SLC37A3: variants seen among roughly 807,000 people sequenced by gnomAD.
SLC37A3 encodes solute carrier family 37 member 3, also known as sugar phosphate exchanger 3.
A neutral mutation model predicts 67.1 loss-of-function variants in SLC37A3; 51 were observed. That is an observed-to-expected ratio of 0.76 (90% CI 0.61 to 0.96). SLC37A3 has a LOEUF of 0.96. SLC37A3 is among the 40% of genes least tolerant of loss of function. The probability of loss-of-function intolerance (pLI) is 0.00; values close to 1 mark genes in which losing one functional copy is unlikely to be tolerated. For synonymous variants in SLC37A3, 214 were observed against 231.4 expected, an observed-to-expected ratio of 0.92 and a Z score of 0.68; for missense variants, 508 against 603.0, an observed-to-expected ratio of 0.84 and a Z score of 1.65.
chr7:140,373,776 G>A (rs183538912), intron 3 of SLC37A3, among the ~76,000 whole-genome samples: 5 of 150,994 alleles, frequency 3.3e-5, no homozygotes, highest in African/African-American at 9.7e-5. Flanking sequence ...GAGTATTTGG[G>A]ACTACAGACA....
At position 140,384,220 on chromosome 7, in the gene SLC37A3, A is replaced by C. The variant is rs117384415; in HGVS notation, c.-70-1624T>G. ...TGACATGAGAAAATGTCAAGTGAAA[A>C]AAAGTGGGAGCCGGTTATAAATCTA... On this transcript the variant is annotated intron_variant, in intron 1 of 14. Coordinates refer to ENST00000326232, the MANE Select transcript of SLC37A3 (RefSeq NM_207113.3). 1.4e-4 allele frequency among the ~76,000 whole-genome samples: 21 copies of C among 152,328 alleles called. 1 individual carries two copies. The East Asian group carries it at 4.0e-3, about 29-fold the overall frequency.
At chr7:140,374,819 C>A (rs1797960792) in intron 3 of SLC37A3, among the ~76,000 whole-genome samples, 1 of 152,118 alleles carries the variant, frequency 6.6e-6, no homozygotes, top group Non-Finnish European at 1.5e-5. Flanking sequence ...GATCATGCCA[C>A]TGTACTCCAG....
In SLC37A3 at chr7:140,387,977, G is replaced by A. The variant is rs191702177; in HGVS notation, c.-70-5381C>T. 1.5e-3 allele frequency among the ~76,000 whole-genome samples: 211 copies of A among 141,596 alleles called. 6 individuals are homozygous for A. In the South Asian group the frequency reaches 0.02, roughly 14 times the overall value. The allele number at this position is 141,596 out of a possible 152,430, so 92.9% of individuals were successfully genotyped here. On this transcript the variant is annotated intron_variant, in intron 1 of 14. Transcript: ENST00000326232. ...CCACTGCACTCCAGCCTGGGTGACA[G>A]AGTGAGGGCCTGTCTCAAAAAAGCA...
chr7:140,366,884 C>T (rs2117186850), intron 4 of SLC37A3, among the ~76,000 whole-genome samples: 1 of 152,280 alleles, frequency 6.6e-6, no homozygotes, highest in Non-Finnish European at 1.5e-5. Context: ...CCTGTAATCC[C>T]AGCACTTTGG....
At chr7:140,370,149 GTT>G (rs34474661) in intron 3 of SLC37A3, among the ~76,000 whole-genome samples, 22,769 of 149,172 alleles carry the variant, frequency 0.15, 2,222 homozygotes, top group African/African-American at 0.27. Context: ...GAAATAACTA[GTT>G]TTTTTTTTTG....
At position 140,345,794 on chromosome 7, in the gene SLC37A3, CT is replaced by C. The variant is rs538293096; in HGVS notation, c.1126+74del. On this transcript the variant is annotated intron_variant, in intron 11 of 14. Transcript: ENST00000326232. Reference sequence around the variant, plus strand: ...TCCAGGCTCTCCCCAGCACTGGTCACTGACTCCAAACAAATGCCTTATTCCA... The same window carrying C: ...TCCAGGCTCTCCCCAGCACTGGTCACGACTCCAAACAAATGCCTTATTCCA... The C allele has an allele frequency of 3.7e-4, 446 of 1,196,832 alleles. 1 individual carries two copies. The highest frequency in any genetic ancestry group is 1.1e-3 in the Middle Eastern group (6 of 5,282). The allele number at this position is 1,196,832 out of a possible 1,614,324, so 74.1% of individuals were successfully genotyped here. A position where few individuals can be genotyped will look rare whatever the true frequency, so the allele number is the denominator to read the frequency against.
In SLC37A3 at chr7:140,378,524, T is replaced by C. The variant is rs150915495; in HGVS notation, c.198+1758A>G. ...AAGCCGAGGCAGGAGGATCACGAGG[T>C]CAAGAGATCAAGACCATCCTGGCCA... On this transcript the variant is annotated intron_variant, in intron 3 of 14. Transcript: ENST00000326232. Among the ~76,000 whole-genome samples the C allele has an allele frequency of 5.0e-4, 76 of 151,486 alleles. 1 individual carries two copies. In the East Asian group the frequency reaches 0.013, roughly 26 times the overall value.
intron 6 of SLC37A3, among the ~76,000 whole-genome samples, chr7:140,356,012 T>C (rs1016177086): frequency 2.0e-5 from 3 of 151,510 alleles, no homozygotes; most frequent in Admixed American, 1.3e-4. Flanking sequence ...CTGACCAACA[T>C]GGAGAAACCC....
intron 13 of SLC37A3, among the ~76,000 whole-genome samples, chr7:140,338,553 CCT>C (rs908051856): frequency 8.5e-5 from 13 of 152,100 alleles, no homozygotes; most frequent in African/African-American, 3.1e-4. Flanking sequence ...CTTACTGCAA[CCT>C]CTGTCTCCCA....
chr7:140,341,380 C>T (rs1055259185), intron 13 of SLC37A3, among the ~76,000 whole-genome samples: 3 of 152,128 alleles, frequency 2.0e-5, no homozygotes, highest in South Asian at 2.1e-4. Flanking sequence ...GCACCTGTCA[C>T]GGTGCATCAC....
intron 1 of SLC37A3, among the ~76,000 whole-genome samples, chr7:140,384,792 A>G (rs1400181727): frequency 6.6e-6 from 1 of 152,214 alleles, no homozygotes; most frequent in African/African-American, 2.4e-5. Context: ...AATGGCTTGT[A>G]TGATAAATCT....
chr7:140,343,506 C>T lies in SLC37A3; in HGVS notation c.1232G>A (p.Gly411Asp). 6.2e-7 allele frequency: 1 copy of T among 1,614,126 alleles called. No homozygotes were observed. Among genetic ancestry groups the T allele is most frequent in the South Asian group, 1.1e-5 (1 of 91,050 alleles). The change falls in exon 13 of 15, where the codon GGT becomes GAT. Residue 411 changes from glycine (G) to aspartate (D), a missense_variant. Gly to Asp is a moderately conservative substitution (Grantham distance 94, BLOSUM62 -1). Coordinates refer to ENST00000326232, the MANE Select transcript of SLC37A3 (RefSeq NM_207113.3). Reference protein sequence around the residue: ...MISSAISADLGRQELIQRSSE... With the variant: ...MISSAISADLDRQELIQRSSE... ...GCTCCTTTGGATGAGCTCCTGGCGA[C>T]CCAAGTCCGCAGAAATAGCAGAACT...
chr7:140,387,749 A>AAATATAAATATACTATATATATTATATAT (rs1563053300), intron 1 of SLC37A3, among the ~76,000 whole-genome samples: 1 of 17,004 alleles, frequency 5.9e-5, no homozygotes, highest in Admixed American at 1.1e-3. Context: ...TATATTATAT[A>AAATATAAATATACTATATATATTATATAT]AATATAAATA....
At chr7:140,343,292 C>G in intron 13 of SLC37A3, 120 bp downstream of exon 13, 1 of 1,404,436 alleles carries the variant, frequency 7.1e-7, no homozygotes, top group South Asian at 1.2e-5. Flanking sequence ...AGTCCTTGGG[C>G]TCTGGGAACA....
rs766773891 is a variant in SLC37A3 at position 140,343,394 on chromosome 7, C to T, written c.1326+18G>A. ...GAGGGAAGACACTAGAATCCCAGCC[C>T]CTCTCCTGTTCTCTCACCTGGCCCA... is the stretch of plus-strand genomic sequence containing the variant. On this transcript the variant is annotated intron_variant, in intron 13 of 14. Transcript: ENST00000326232. 28 of 1,612,058 alleles carry T rather than the reference C, an allele frequency of 1.7e-5. No homozygotes were observed. The highest frequency in any genetic ancestry group is 4.0e-5 in the African/African-American group (3 of 74,848).
At chr7:140,352,181 T>C (rs1236228686) in intron 7 of SLC37A3, 35 bp from the exon 8 acceptor site, 1 of 1,490,484 alleles carries the variant, frequency 6.7e-7, no homozygotes, top group Non-Finnish European at 9.0e-7. Context: ...TCCTTACATA[T>C]CTGGGGACAG....
chr7:140,353,918 G>A (rs370856017), intron 7 of SLC37A3, among the ~76,000 whole-genome samples: 15 of 152,164 alleles, frequency 9.9e-5, no homozygotes, highest in African/African-American at 3.6e-4. Flanking sequence ...CATCATGTTG[G>A]CCAGGCTGGT....
Position 140,360,488 on chromosome 7 carries a change from C to G in SLC37A3, c.376-1703G>C, listed in dbSNP as rs547947398. Among the ~76,000 whole-genome samples the G allele has an allele frequency of 1.3e-4, 20 of 152,178 alleles. No individual in the cohort carries two copies. In the South Asian group the frequency reaches 3.3e-3, roughly 25 times the overall value. On this transcript the variant is annotated intron_variant, in intron 5 of 14. Transcript: ENST00000326232. ...GTGGCTCACCCCTGTAATCCCAGCACTTTGGGAGGCTGGGGTGGGCAGATC... is the reference window on the plus strand; with the variant it reads ...GTGGCTCACCCCTGTAATCCCAGCAGTTTGGGAGGCTGGGGTGGGCAGATC...
intron 1 of SLC37A3, among the ~76,000 whole-genome samples, chr7:140,383,663 C>T (rs1798341302): frequency 6.6e-6 from 1 of 151,886 alleles, no homozygotes; most frequent in African/African-American, 2.4e-5. Context: ...CATCTCCTTC[C>T]ACTACTTCCA....
Sources: gnomAD v4.1 joint callset for allele counts (sites outside exome capture counted in the v4.1 genomes callset) on GRCh38, gnomAD v4.1.1 for gene constraint, MANE v1.5 for transcripts, NCBI Gene and HGNC (gene_info 2026-07-23, HGNC 2026-07-21) for gene names.